The following OSBPL2 variants were observed in gnomAD, a reference collection of about 807,000 sequenced individuals.
The protein encoded by OSBPL2 is oxysterol binding protein like 2, also known as oxysterol-binding protein-related protein 2.
OSBPL2 carries 18 observed loss-of-function variants against 58.4 expected under a neutral mutation model. The ratio of observed to expected loss-of-function variants is 0.31; its 90% confidence interval spans 0.21 to 0.46. The LOEUF (loss-of-function observed/expected upper bound fraction) is 0.46, where lower values mean the gene tolerates loss of function less well. OSBPL2 is among the 20% of genes least tolerant of loss of function. The probability of loss-of-function intolerance (pLI) is 1.00; values close to 1 mark genes in which losing one functional copy is unlikely to be tolerated. For missense variants in OSBPL2, 461 were observed against 616.5 expected, an observed-to-expected ratio of 0.75 and a Z score of 2.67; for synonymous variants, 221 against 234.1, an observed-to-expected ratio of 0.94 and a Z score of 0.51.
At chr20:62,275,444 G>A (rs1176268950) in intron 6 of OSBPL2, among the ~76,000 whole-genome samples, 3 of 151,592 alleles carry the variant, frequency 2.0e-5, no homozygotes, top group African/African-American at 7.3e-5. Flanking sequence ...TGTCGCCCAG[G>A]CTGAAGTTCA....
At position 62,291,711 on chromosome 20, in the gene OSBPL2, A is replaced by G. The variant is rs775034359; in HGVS notation, c.1258A>G (p.Ser420Gly). ...GMENGNMDLA[S>G]QEKERLEEKQ... Reference sequence around the variant, plus strand: ...GTTTGCTTGGATCCTAGATCTGGCCAGCCAGGAGAAGGAGCGGCTGGAGGA... The same window carrying G: ...GTTTGCTTGGATCCTAGATCTGGCCGGCCAGGAGAAGGAGCGGCTGGAGGA... The change falls in exon 13 of 14, where the codon AGC becomes GGC. Residue 420 changes from serine to glycine, a missense_variant. Transcript: ENST00000313733. 1.2e-6 allele frequency: 2 copies of G among 1,613,798 alleles called. No homozygotes were observed. Among genetic ancestry groups the G allele is most frequent in the Non-Finnish European group, 1.7e-6 (2 of 1,180,002 alleles).
intron 7 of OSBPL2, 92 bp downstream of exon 7, chr20:62,279,431 A>T: frequency 3.7e-6 from 5 of 1,337,356 alleles, no homozygotes; most frequent in Non-Finnish European, 5.1e-6. Flanking sequence ...TCAGGAGGAA[A>T]CCCTGTCATT....
chr20:62,261,460 G>C (rs1023272796), intron 3 of OSBPL2, among the ~76,000 whole-genome samples: 6 of 152,164 alleles, frequency 3.9e-5, no homozygotes, highest in Non-Finnish European at 7.4e-5. Context: ...GCTCCAGCCT[G>C]GCCTCAGGCT....
rs1265072457 is a variant in OSBPL2 at position 62,269,811 on chromosome 20, C to T, written c.259-2314C>T. Among the ~76,000 whole-genome samples, 1 of 152,256 alleles carries T rather than the reference C, an allele frequency of 6.6e-6. No homozygotes were observed. The highest frequency in any genetic ancestry group is 1.9e-4 in the East Asian group (1 of 5,194). ...CAAGGGTCACCTCTCTTCCTGCTTT[C>T]CTCGGCAGCCACATTCCCTTGTGCA... is the stretch of plus-strand genomic sequence containing the variant. On this transcript the variant is annotated intron_variant, in intron 4 of 13. Coordinates refer to ENST00000313733, the MANE Select transcript of OSBPL2 (RefSeq NM_144498.4). This position sits in a 1 kb window ranked among gnomAD's most constrained non-coding sequence, Gnocchi z 4.2.
Position 62,291,477 on chromosome 20 carries a change from C to G in OSBPL2, c.1250-226C>G, listed in dbSNP as rs566995524. ...GCTGTCGTAGAACACGCAGCACATGCAGCCCCCATGCTCTACTCAGCTCCG... is the reference window on the plus strand; with the variant it reads ...GCTGTCGTAGAACACGCAGCACATGGAGCCCCCATGCTCTACTCAGCTCCG... On this transcript the variant is annotated intron_variant, in intron 12 of 13. Transcript: ENST00000313733. The G allele has an allele frequency of 1.2e-4, 68 of 559,846 alleles. 1 individual carries two copies. The highest frequency in any genetic ancestry group is 1.6e-4 in the Non-Finnish European group (48 of 306,492). The allele number at this position is 559,846 out of a possible 1,614,324, so 34.7% of individuals were successfully genotyped here. A position where few individuals can be genotyped will look rare whatever the true frequency, so the allele number is the denominator to read the frequency against.
intron 13 of OSBPL2, 32 bp from the exon 14 acceptor site, chr20:62,293,753 A>G: frequency 2.5e-6 from 4 of 1,606,062 alleles, no homozygotes; most frequent in Non-Finnish European, 3.4e-6. Flanking sequence ...TGGGCTGAGC[A>G]TCTTCTGACC....
At chr20:62,284,413 G>A in intron 10 of OSBPL2, 1 of 481,596 alleles carries the variant, frequency 2.1e-6, no homozygotes, top group East Asian at 3.8e-5. Context: ...GTCTCCCTCT[G>A]TTGCCCAGGC....
intron 6 of OSBPL2, among the ~76,000 whole-genome samples, chr20:62,274,305 T>C (rs1295359632): frequency 6.6e-6 from 1 of 152,126 alleles, no homozygotes; most frequent in East Asian, 1.9e-4. Context: ...TGTGGCAGTG[T>C]GGTAATTCCT....
At chr20:62,254,603 G>A (rs1358837097) in intron 1 of OSBPL2, among the ~76,000 whole-genome samples, 1 of 152,242 alleles carries the variant, frequency 6.6e-6, no homozygotes, top group Non-Finnish European at 1.5e-5. Context: ...TGCCCCGTGC[G>A]GCTGTGGCAG....
chr20:62,281,006 C>T, intron 7 of OSBPL2, 52 bp from the exon 8 acceptor site: 4 of 1,425,814 alleles, frequency 2.8e-6, no homozygotes, highest in Non-Finnish European at 3.0e-6. Flanking sequence ...TGGGTCACGT[C>T]GTGTCTTGGC....
chr20:62,274,125 G>A (rs887217313), intron 6 of OSBPL2, among the ~76,000 whole-genome samples: 22 of 152,200 alleles, frequency 1.4e-4, no homozygotes, highest in African/African-American at 3.4e-4. Context: ...CCCCAGATCC[G>A]TTGTTTGTGG....
intron 3 of OSBPL2, among the ~76,000 whole-genome samples, chr20:62,261,916 G>T (rs1383748965): frequency 6.6e-6 from 1 of 152,078 alleles, no homozygotes. Context: ...GTGCCACCAT[G>T]CCTGGCTAAT....
chr20:62,281,735 C>A, intron 8 of OSBPL2, 55 bp from the exon 9 acceptor site: 1 of 1,364,154 alleles, frequency 7.3e-7, no homozygotes, highest in Non-Finnish European at 1.0e-6. Flanking sequence ...ACAGAGTTAC[C>A]CTTTCCGGCT....
In OSBPL2 at chr20:62,281,866, A is replaced by G. The variant is rs777918035; in HGVS notation, c.859A>G (p.Ile287Val). 9.9e-6 allele frequency: 16 copies of G among 1,611,090 alleles called. No individual in the cohort carries two copies. Among genetic ancestry groups the G allele is most frequent in the Non-Finnish European group, 1.4e-5 (16 of 1,177,320 alleles). Residue 287 changes from isoleucine to valine, a missense_variant, in exon 9 of 14, where the codon ATT becomes GTT. Ile to Val is a conservative substitution (Grantham distance 29). Coordinates refer to ENST00000313733, the MANE Select transcript of OSBPL2 (RefSeq NM_144498.4). ...AGAACTTCACAAGGTGGAAGGACAC[A>G]TTCAAGACAAAAAGTAGGTCCTTGC... is the stretch of plus-strand genomic sequence containing the variant. ...GKELHKVEGHIQDKNKKKLFM... is the reference protein window; with the variant it reads ...GKELHKVEGHVQDKNKKKLFM...
At chr20:62,277,368 G>T (rs1477458654) in intron 6 of OSBPL2, among the ~76,000 whole-genome samples, 1 of 152,264 alleles carries the variant, frequency 6.6e-6, no homozygotes, top group African/African-American at 2.4e-5. Context: ...AGCGGGGCGT[G>T]CCGCCAGCAC....
At position 62,259,563 on chromosome 20, in the gene OSBPL2, C is replaced by T. The variant is rs116181885; in HGVS notation, c.38-418C>T. On this transcript the variant is annotated intron_variant, in intron 2 of 13. Transcript: ENST00000313733. Reference sequence around the variant, plus strand: ...TCAGCAGGCGTGTTTCAGACCAAGACGCAGACCTTGGTCACAAGCCCTGAG... The same window carrying T: ...TCAGCAGGCGTGTTTCAGACCAAGATGCAGACCTTGGTCACAAGCCCTGAG... Among the ~76,000 whole-genome samples, 688 of 152,306 alleles carry T rather than the reference C, an allele frequency of 4.5e-3. 2 individuals are homozygous for T. Among genetic ancestry groups the T allele is most frequent in the African/African-American group, 0.016 (651 of 41,558 alleles).
At chr20:62,268,071 G>A (rs866985044) in intron 4 of OSBPL2, among the ~76,000 whole-genome samples, 2 of 57,120 alleles carry the variant, frequency 3.5e-5, no homozygotes, top group African/African-American at 1.2e-4. Flanking sequence ...TTTTTTTTTT[G>A]TATTTTTAGT....
rs1270320286 is a variant in OSBPL2 at position 62,288,424 on chromosome 20, G to T, written c.1126-783G>T. On this transcript the variant is annotated intron_variant, in intron 11 of 13. Transcript: ENST00000313733. The surrounding 1 kb of genome is among the most constrained non-coding windows in gnomAD (Gnocchi z 4.8). ...CTGGGAGGCTGTGGGTGCAGAGGCT[G>T]GGAGGCTATGGGTGCAGAGGCTGGG... is the stretch of plus-strand genomic sequence containing the variant. 6.7e-6 allele frequency among the ~76,000 whole-genome samples: 1 copy of T among 149,062 alleles called. No individual in the cohort carries two copies. Among genetic ancestry groups the T allele is most frequent in the Non-Finnish European group, 1.5e-5 (1 of 67,448 alleles).
At chr20:62,245,129 G>A (rs1396420417) in intron 1 of OSBPL2, among the ~76,000 whole-genome samples, 3 of 147,374 alleles carry the variant, frequency 2.0e-5, no homozygotes, top group Admixed American at 6.9e-5. Flanking sequence ...ACGGTGTCTT[G>A]CCTCTGTCGC....
Sources: gnomAD v4.1 joint callset for allele counts (sites outside exome capture counted in the v4.1 genomes callset) on GRCh38, gnomAD v4.1.1 for gene constraint, Gnocchi (gnomAD v3.1) non-coding constraint, MANE v1.5 for transcripts, NCBI Gene and HGNC (gene_info 2026-07-23, HGNC 2026-07-21) for gene names.